Variants in TTC7A observed in about 807,000 individuals in gnomAD.
The protein encoded by TTC7A is tetratricopeptide repeat domain 7A, also known as tetratricopeptide repeat protein 7A.
TTC7A carries 110 observed loss-of-function variants against 103.7 expected under a neutral mutation model. The observed-to-expected ratio is 1.06, with a 90% CI of 0.91 to 1.24. TTC7A has a LOEUF of 1.24. Ranked by LOEUF, TTC7A falls within the 50% of genes most tolerant of loss-of-function variation. The probability of loss-of-function intolerance (pLI) is 0.00; values close to 1 mark genes in which losing one functional copy is unlikely to be tolerated. For missense variants in TTC7A, 1,340 were observed against 1,116.3 expected, an observed-to-expected ratio of 1.20 and a Z score of -2.86; for synonymous variants, 521 against 467.9, an observed-to-expected ratio of 1.11 and a Z score of -1.47.
chr2:46,949,911 G>C (rs930135569), intron 1 of TTC7A, among the ~76,000 whole-genome samples: 5 of 152,054 alleles, frequency 3.3e-5, no homozygotes, highest in African/African-American at 1.2e-4. Context: ...TAAAAATGGG[G>C]AAAACCAATT....
intron 19 of TTC7A, among the ~76,000 whole-genome samples, chr2:47,072,423 C>T (rs889342497): frequency 6.6e-6 from 1 of 152,164 alleles, no homozygotes; most frequent in African/African-American, 2.4e-5. Context: ...GCTTCCTGAG[C>T]GCCATCTTTC....
chr2:46,977,474 C>G (rs565076606), intron 4 of TTC7A, among the ~76,000 whole-genome samples: 1 of 152,186 alleles, frequency 6.6e-6, no homozygotes, highest in Admixed American at 6.5e-5. Flanking sequence ...CCTGTTAGAG[C>G]TGAGGCTTTT....
intron 3 of TTC7A, among the ~76,000 whole-genome samples, chr2:46,959,453 T>TGGA (rs1011723254): frequency 6.6e-6 from 1 of 152,124 alleles, no homozygotes; most frequent in Non-Finnish European, 1.5e-5. Context: ...CACATCTGGC[T>TGGA]GGAGGAGGAG....
At chr2:47,011,569 C>A (rs1253993537) in intron 11 of TTC7A, 134 bp downstream of exon 11, 5 of 680,798 alleles carry the variant, frequency 7.3e-6, no homozygotes, top group African/African-American at 5.4e-5. Flanking sequence ...GGCAGATGGG[C>A]CTGGGCAGGG....
rs2104453742 is a variant in TTC7A, at chr2:47,006,052, T to C, written c.1196T>C (p.Leu399Pro). ...TLGRRGQYVM[L>P]SECLERAMKF... ...GGCAGAAGGGGACAGTACGTCATGCTCTCGGAGGTACGGCCGGCCATGCAG... is the reference window on the plus strand; with the variant it reads ...GGCAGAAGGGGACAGTACGTCATGCCCTCGGAGGTACGGCCGGCCATGCAG... Residue 399 changes from leucine to proline, a missense_variant, in exon 9 of 20, where the codon CTC becomes CCC. By Grantham distance (98) the Leu-to-Pro change is moderately conservative (BLOSUM62 -3). Transcript: ENST00000319190. The C allele has an allele frequency of 1.9e-6, 3 of 1,612,646 alleles. No individual in the cohort carries two copies. The highest frequency in any genetic ancestry group is 2.5e-6 in the Non-Finnish European group (3 of 1,179,556).
At chr2:47,049,325 C>T (rs1300632962) in intron 16 of TTC7A, among the ~76,000 whole-genome samples, 1 of 152,120 alleles carries the variant, frequency 6.6e-6, no homozygotes, top group East Asian at 1.9e-4. Context: ...CCCGCTGCCC[C>T]CACTCTGTGA....
upstream of TTC7A, among the ~76,000 whole-genome samples, chr2:46,938,398 C>T (rs1052544450): frequency 1.7e-4 from 26 of 151,998 alleles, no homozygotes; most frequent in Non-Finnish European, 3.5e-4. Context: ...TAATCCTCAA[C>T]ACAACTTCCC....
At chr2:47,037,008 C>T (rs1456527450) in intron 15 of TTC7A, among the ~76,000 whole-genome samples, 4 of 152,154 alleles carry the variant, frequency 2.6e-5, no homozygotes, top group African/African-American at 9.7e-5. Context: ...GCTCAGAGGG[C>T]CCTCCCTGCC....
At chr2:47,027,726 T>C (rs1572955757) in intron 14 of TTC7A, among the ~76,000 whole-genome samples, 1 of 152,060 alleles carries the variant, frequency 6.6e-6, no homozygotes, top group Non-Finnish European at 1.5e-5. Flanking sequence ...CAGGGCATGG[T>C]GCAGGGGTGC....
At chr2:47,072,453 T>C (rs1166689920) in intron 19 of TTC7A, among the ~76,000 whole-genome samples, 2 of 152,250 alleles carry the variant, frequency 1.3e-5, no homozygotes, top group Admixed American at 6.5e-5. Flanking sequence ...GAACTGGTTG[T>C]GTTCCAAGCT....
Position 46,941,589 on chromosome 2 carries a change from G to C in TTC7A, c.48G>C (p.Glu16Asp). Reference protein sequence around the residue: ...AHGSYLKVESELERCRAEGHW... With the variant: ...AHGSYLKVESDLERCRAEGHW... ...GCTCCTACCTGAAGGTGGAGAGCGA[G>C]CTGGAGCGCTGCCGCGCCGAGGGCC... Residue 16 changes from glutamate to aspartate, a missense_variant, in exon 1 of 20, where the codon GAG becomes GAC. Transcript: ENST00000319190. This position sits in a 1 kb window ranked among gnomAD's most constrained non-coding sequence, Gnocchi z 4.2. 1 of 1,557,254 alleles carries C rather than the reference G, an allele frequency of 6.4e-7. No homozygotes were observed. The highest frequency in any genetic ancestry group is 1.2e-5 in the South Asian group (1 of 84,476).
At chr2:47,031,664 G>A (rs1327293316) in intron 15 of TTC7A, among the ~76,000 whole-genome samples, 1 of 152,238 alleles carries the variant, frequency 6.6e-6, no homozygotes, top group Non-Finnish European at 1.5e-5. Flanking sequence ...CTCTGATGGA[G>A]CCAAGGAAGG....
intron 11 of TTC7A, 101 bp from the exon 12 acceptor site, chr2:47,021,761 T>G: frequency 1.1e-6 from 1 of 907,916 alleles, no homozygotes; most frequent in Non-Finnish European, 1.8e-6. Context: ...CCTGTGACCT[T>G]GAGCACAAGG....
chr2:46,972,104 A>G (rs1346925094), intron 3 of TTC7A, among the ~76,000 whole-genome samples: 1 of 152,098 alleles, frequency 6.6e-6, no homozygotes, highest in Non-Finnish European at 1.5e-5. Flanking sequence ...CCGTCTCTTT[A>G]AGAATCCACC....
chr2:46,990,790 G>A (rs144944650), intron 5 of TTC7A, among the ~76,000 whole-genome samples: 1 of 152,170 alleles, frequency 6.6e-6, no homozygotes, highest in Non-Finnish European at 1.5e-5. Context: ...CCGACTTCTT[G>A]AACTAGGAGA....
At chr2:46,917,407 G>A (rs1468942459) in intron 2 of TTC7A, 5 of 560,528 alleles carry the variant, frequency 8.9e-6, no homozygotes, top group Non-Finnish European at 1.6e-5. Context: ...CCCTGCATCT[G>A]CCATTCATCC....
chr2:47,029,458 C>A, intron 15 of TTC7A, 74 bp downstream of exon 15: 1 of 1,512,696 alleles, frequency 6.6e-7, no homozygotes, highest in Non-Finnish European at 9.1e-7. Context: ...GCACACCTGC[C>A]CTGCCATGGT....
intron 15 of TTC7A, among the ~76,000 whole-genome samples, chr2:47,031,282 A>G (rs987011285): frequency 6.6e-6 from 1 of 152,262 alleles, no homozygotes; most frequent in African/African-American, 2.4e-5. Context: ...TCCCAAGTAC[A>G]GTACAGTAAT....
intron 2 of TTC7A, among the ~76,000 whole-genome samples, chr2:46,952,194 A>G (rs1021584876): frequency 1.3e-5 from 2 of 152,106 alleles, no homozygotes; most frequent in African/African-American, 4.8e-5. Flanking sequence ...GTATTGTAGC[A>G]CTGGGAGGTT....
Sources: allele counts gnomAD v4.1 joint callset (sites outside exome capture counted in the v4.1 genomes callset), GRCh38; gene constraint gnomAD v4.1.1; non-coding constraint Gnocchi (gnomAD v3.1); transcripts MANE v1.5; gene names NCBI Gene and HGNC (gene_info 2026-07-23, HGNC 2026-07-21).